The following MEMO1 variants were observed in gnomAD, a reference collection of about 807,000 sequenced individuals.
The protein encoded by MEMO1 is mediator of cell motility 1.
In MEMO1, 6 loss-of-function variants were observed where a neutral mutation model predicts 45.2. The observed-to-expected ratio is 0.13, with a 90% CI of 0.07 to 0.26. The LOEUF is 0.26. Ranked by LOEUF, MEMO1 falls within the 10% of genes least tolerant of loss-of-function variation. MEMO1 has a pLI of 1.00. For synonymous variants in MEMO1, 78 were observed against 124.3 expected, an observed-to-expected ratio of 0.63 and a Z score of 2.48; for missense variants, 184 against 370.5, an observed-to-expected ratio of 0.50 and a Z score of 4.13.
At chr2:31,912,603 G>A (rs1324842427) in intron 6 of MEMO1, among the ~76,000 whole-genome samples, 1 of 148,244 alleles carries the variant, frequency 6.7e-6, no homozygotes, top group Non-Finnish European at 1.5e-5. Context: ...ACAAAAGAAA[G>A]TAATCATAAG....
At chr2:31,980,879 C>T (rs1670556062) in intron 2 of MEMO1, among the ~76,000 whole-genome samples, 1 of 152,182 alleles carries the variant, frequency 6.6e-6, no homozygotes, top group Non-Finnish European at 1.5e-5. Context: ...TCACAGGACC[C>T]TTCCATCTAG....
At position 31,980,008 on chromosome 2, in the gene MEMO1, TTA is replaced by T. The variant is rs1670450869; in HGVS notation, c.61+30177_61+30178del. 3.4e-5 allele frequency among the ~76,000 whole-genome samples: 5 copies of T among 145,260 alleles called. No homozygotes were observed. In the South Asian group the frequency reaches 1.1e-3, roughly 31 times the overall value. ...AGTCCAAATCAGAAACTGTCTTAAT[TTA>T]AAAAAAAAAAAAAGAAAGAAAAAAA... is the stretch of plus-strand genomic sequence containing the variant. On this transcript the variant is annotated intron_variant, in intron 2 of 9. Coordinates refer to ENST00000404530, the MANE Select transcript of MEMO1 (RefSeq NM_001301833.4).
At chr2:31,909,680 T>G (rs1015551542) in intron 6 of MEMO1, among the ~76,000 whole-genome samples, 1 of 152,208 alleles carries the variant, frequency 6.6e-6, no homozygotes, top group African/African-American at 2.4e-5. Context: ...TAAATGTCCA[T>G]ACTACCCAAC....
At chr2:31,924,405 G>GTA (rs1267328613) in intron 4 of MEMO1, among the ~76,000 whole-genome samples, 1 of 150,278 alleles carries the variant, frequency 6.7e-6, no homozygotes, top group East Asian at 1.9e-4. Flanking sequence ...CTTTAAAGGC[G>GTA]TAACTTTTCA....
At chr2:31,913,433 G>A (rs1015277081) in intron 6 of MEMO1, among the ~76,000 whole-genome samples, 4 of 150,872 alleles carry the variant, frequency 2.7e-5, no homozygotes, top group Non-Finnish European at 5.9e-5. Flanking sequence ...CCTATAAAGT[G>A]GAGTAAAAAA....
At chr2:31,941,934 T>C (rs1199747995) in intron 3 of MEMO1, among the ~76,000 whole-genome samples, 1 of 152,214 alleles carries the variant, frequency 6.6e-6, no homozygotes, top group Non-Finnish European at 1.5e-5. Flanking sequence ...TTAAAAACGG[T>C]TATTATATAT....
intron 8 of MEMO1, among the ~76,000 whole-genome samples, chr2:31,876,101 T>A (rs1056570198): frequency 6.6e-6 from 1 of 152,186 alleles, no homozygotes; most frequent in African/African-American, 2.4e-5. Flanking sequence ...TTATATAAAG[T>A]TCTTACCTTC....
At chr2:31,943,078 A>T (rs1401270140) in intron 3 of MEMO1, among the ~76,000 whole-genome samples, 1 of 152,158 alleles carries the variant, frequency 6.6e-6, no homozygotes, top group Non-Finnish European at 1.5e-5. Flanking sequence ...CAGCCTGGCC[A>T]ACATGGTAAA....
chr2:31,918,805 C>A (rs1350670421), intron 5 of MEMO1, among the ~76,000 whole-genome samples: 1 of 151,966 alleles, frequency 6.6e-6, no homozygotes. Flanking sequence ...TAATTAGATC[C>A]TTAAATGGGT....
At chr2:31,933,348 A>AAAAAATATATATAT (rs1558514269) in intron 3 of MEMO1, among the ~76,000 whole-genome samples, 1 of 16,186 alleles carries the variant, frequency 6.2e-5, no homozygotes, top group African/African-American at 2.4e-4. Flanking sequence ...AAAAAAAAAA[A>AAAAAATATATATAT]ATTTATATAT....
At chr2:31,886,566 A>G (rs186721781) in intron 7 of MEMO1, among the ~76,000 whole-genome samples, 2 of 152,266 alleles carry the variant, frequency 1.3e-5, no homozygotes, top group Admixed American at 1.3e-4. Context: ...CTGATCATAA[A>G]TACACCTTTA....
At chr2:31,910,415 T>G (rs908299880) in intron 6 of MEMO1, among the ~76,000 whole-genome samples, 7 of 152,198 alleles carry the variant, frequency 4.6e-5, no homozygotes, top group African/African-American at 1.7e-4. Context: ...AACAAATAAT[T>G]TGTTCAAATT....
chr2:31,975,461 C>T (rs568950962), intron 2 of MEMO1, among the ~76,000 whole-genome samples: 425 of 152,294 alleles, frequency 2.8e-3, no homozygotes, highest in African/African-American at 9.8e-3. Flanking sequence ...CCATACTCCT[C>T]TTGAACCCAT....
intron 3 of MEMO1, among the ~76,000 whole-genome samples, chr2:31,933,352 T>TAAAAAAAAAAAAAA (rs1558514359): frequency 8.2e-5 from 1 of 12,218 alleles, no homozygotes. Context: ...AAAAAAAATT[T>TAAAAAAAAAAAAAA]ATATATATAT....
At chr2:31,887,294 T>C (rs1676323070) in intron 7 of MEMO1, among the ~76,000 whole-genome samples, 1 of 152,072 alleles carries the variant, frequency 6.6e-6, no homozygotes, top group Non-Finnish European at 1.5e-5. Flanking sequence ...AAAAGAACAG[T>C]AAATACCTCA....
chr2:31,879,980 A>G (rs1206819090), intron 8 of MEMO1, among the ~76,000 whole-genome samples: 2 of 152,164 alleles, frequency 1.3e-5, no homozygotes, highest in Admixed American at 6.6e-5. Flanking sequence ...CTCCCTTAAC[A>G]TGACACACCT....
intron 2 of MEMO1, among the ~76,000 whole-genome samples, chr2:31,992,691 G>A (rs931196333): frequency 2.0e-5 from 3 of 152,190 alleles, no homozygotes; most frequent in Non-Finnish European, 4.4e-5. Context: ...GACTGAGGCA[G>A]GAGAATCACT....
At chr2:31,960,063 G>A (rs1256957493) in intron 2 of MEMO1, among the ~76,000 whole-genome samples, 7 of 152,084 alleles carry the variant, frequency 4.6e-5, no homozygotes, top group African/African-American at 1.2e-4. Flanking sequence ...CGGGTGTGGC[G>A]GCGCATGCCT....
intron 2 of MEMO1, among the ~76,000 whole-genome samples, chr2:31,992,045 T>C (rs1054184586): frequency 5.3e-5 from 8 of 152,204 alleles, no homozygotes; most frequent in Admixed American, 3.3e-4. Flanking sequence ...TGTGAGAAGT[T>C]TCCAAATTTT....
Sources: gnomAD v4.1 joint callset for allele counts (sites outside exome capture counted in the v4.1 genomes callset) on GRCh38, gnomAD v4.1.1 for gene constraint, MANE v1.5 for transcripts, NCBI Gene and HGNC (gene_info 2026-07-23, HGNC 2026-07-21) for gene names.